The following CTNNA2 variants were observed in gnomAD, a reference collection of about 807,000 sequenced individuals.
CTNNA2 encodes the protein catenin alpha-2.
A neutral mutation model predicts 101.0 loss-of-function variants in CTNNA2; 42 were observed. The ratio of observed to expected loss-of-function variants is 0.42; its 90% CI spans 0.32 to 0.54. The LOEUF is 0.54. Among genes scored for constraint, CTNNA2 ranks in the 20% least tolerant of loss-of-function variants. The probability of loss-of-function intolerance (pLI) is 0.14; values close to 1 mark genes in which losing one functional copy is unlikely to be tolerated. For missense variants in CTNNA2, 871 were observed against 1,223.1 expected, an observed-to-expected ratio of 0.71 and a Z score of 4.29; for synonymous variants, 450 against 456.4, an observed-to-expected ratio of 0.99 and a Z score of 0.18.
intron 7 of CTNNA2, among the ~76,000 whole-genome samples, chr2:80,136,633 G>A (rs1702714108): frequency 6.6e-6 from 1 of 152,086 alleles, no homozygotes; most frequent in Non-Finnish European, 1.5e-5. Context: ...TCTTTTGTAT[G>A]TTATTTCCTG....
At chr2:80,127,731 C>G (rs1452341735) in intron 7 of CTNNA2, among the ~76,000 whole-genome samples, 1 of 152,120 alleles carries the variant, frequency 6.6e-6, no homozygotes, top group Non-Finnish European at 1.5e-5. Flanking sequence ...CTGAGGGAGA[C>G]AGAGTCAAGA....
intron 9 of CTNNA2, among the ~76,000 whole-genome samples, chr2:80,504,321 T>C (rs1449115949): frequency 6.6e-6 from 1 of 152,210 alleles, no homozygotes; most frequent in Non-Finnish European, 1.5e-5. Context: ...AGCGAGTTTT[T>C]TAATTTATTA....
Position 80,215,651 on chromosome 2 carries a change from A to G in CTNNA2, c.1057-177560A>G, listed in dbSNP as rs867271768. Among the ~76,000 whole-genome samples, 5 of 152,260 alleles carry G rather than the reference A, an allele frequency of 3.3e-5. No homozygotes were observed. In the South Asian group the frequency reaches 6.2e-4, roughly 19 times the overall value. On this transcript the variant is annotated intron_variant, in intron 7 of 18. Coordinates refer to ENST00000402739, the MANE Select transcript of CTNNA2 (RefSeq NM_001282597.3). ...TCGTCTCAGAGGGGCACCTGGCTGT[A>G]TGAAGTGTCAGTCGGCCCCTACTGG...
At chr2:80,033,677 A>G (rs1047844741) in intron 7 of CTNNA2, among the ~76,000 whole-genome samples, 3 of 152,230 alleles carry the variant, frequency 2.0e-5, no homozygotes, top group African/African-American at 7.2e-5. Flanking sequence ...CAATGAATGA[A>G]CAAATACCGT....
At chr2:80,283,670 G>A (rs988547930) in intron 7 of CTNNA2, among the ~76,000 whole-genome samples, 12 of 152,094 alleles carry the variant, frequency 7.9e-5, no homozygotes, top group African/African-American at 2.7e-4. Flanking sequence ...ATAACAGGTT[G>A]GATATGCCTC....
chr2:80,313,536 T>C (rs1434944268), intron 7 of CTNNA2: 1 of 1,606,942 alleles, frequency 6.2e-7, no homozygotes, highest in African/African-American at 1.3e-5. Context: ...CAAGACCAGG[T>C]AGAGGAAGGA....
intron 7 of CTNNA2, among the ~76,000 whole-genome samples, chr2:79,992,379 A>G (rs1165865523): frequency 6.6e-6 from 1 of 152,264 alleles, no homozygotes; most frequent in Non-Finnish European, 1.5e-5. Flanking sequence ...AAATGGAGGC[A>G]GTAAAACCCC....
intron 2 of CTNNA2, among the ~76,000 whole-genome samples, chr2:79,699,556 G>A (rs1684854687): frequency 6.6e-6 from 1 of 151,944 alleles, no homozygotes; most frequent in Non-Finnish European, 1.5e-5. Context: ...GAATAAGGAA[G>A]TGGGGTATTC....
At chr2:80,027,278 G>A (rs536127495) in intron 7 of CTNNA2, among the ~76,000 whole-genome samples, 7 of 152,260 alleles carry the variant, frequency 4.6e-5, no homozygotes, top group African/African-American at 1.2e-4. Flanking sequence ...ACAAAGGCCC[G>A]AGCTTGCTGT....
intron 4 of CTNNA2, among the ~76,000 whole-genome samples, chr2:79,390,078 A>G (rs1392411191): frequency 1.3e-5 from 2 of 152,152 alleles, no homozygotes; most frequent in African/African-American, 4.8e-5. Flanking sequence ...ATCTTCATCA[A>G]CTTGGTCATT....
At chr2:79,944,595 G>C (rs10189633) in intron 7 of CTNNA2, among the ~76,000 whole-genome samples, 57,189 of 151,994 alleles carry the variant, frequency 0.38, 10,978 homozygotes, top group East Asian at 0.52. Flanking sequence ...GTGGAGCGGG[G>C]TGGGGGTAGG....
chr2:79,857,930 T>C, intron 3 of CTNNA2, 83 bp from the exon 4 acceptor site: 1 of 1,395,030 alleles, frequency 7.2e-7, no homozygotes, highest in Admixed American at 1.9e-5. Flanking sequence ...ATAAAAACAG[T>C]AATTGTCCAT....
intron 2 of CTNNA2, among the ~76,000 whole-genome samples, chr2:79,685,530 C>T (rs551022959): frequency 6.6e-6 from 1 of 152,286 alleles, no homozygotes; most frequent in South Asian, 2.1e-4. Flanking sequence ...AGGTTAGCTC[C>T]ATTCCTCTGC....
intron 2 of CTNNA2, among the ~76,000 whole-genome samples, chr2:79,254,644 C>T (rs1048635570): frequency 3.3e-5 from 5 of 152,104 alleles, no homozygotes; most frequent in Non-Finnish European, 7.4e-5. Context: ...TCAGGTATTT[C>T]TTTATAGCAA....
intron 7 of CTNNA2, among the ~76,000 whole-genome samples, chr2:80,277,331 G>A (rs1479941847): frequency 3.3e-5 from 5 of 152,102 alleles, no homozygotes; most frequent in African/African-American, 1.2e-4. Context: ...AGGCAGGATT[G>A]ATTAAGTCCT....
chr2:79,950,746 C>T (rs1374070240), intron 7 of CTNNA2, among the ~76,000 whole-genome samples: 1 of 152,154 alleles, frequency 6.6e-6, no homozygotes, highest in African/African-American at 2.4e-5. Flanking sequence ...GATTTTTGAA[C>T]ACAGAGGGGA....
intron 2 of CTNNA2, among the ~76,000 whole-genome samples, chr2:79,686,443 A>G (rs756796063): frequency 6.6e-6 from 1 of 152,168 alleles, no homozygotes; most frequent in Non-Finnish European, 1.5e-5. Context: ...TGGTTTTCAT[A>G]CAAACTACTT....
chr2:79,356,869 T>C (rs943174346), intron 3 of CTNNA2, among the ~76,000 whole-genome samples: 4 of 152,136 alleles, frequency 2.6e-5, no homozygotes, highest in African/African-American at 9.7e-5. Flanking sequence ...AATTGATAGA[T>C]TAGAATTATA....
rs552592494 is a variant in CTNNA2 at position 79,825,575 on chromosome 2, C to T, written c.299-32438C>T. 1.3e-3 allele frequency among the ~76,000 whole-genome samples: 197 copies of T among 151,896 alleles called. 1 individual carries two copies. The highest frequency in any genetic ancestry group is 4.2e-3 in the African/African-American group (174 of 41,408). Reference sequence around the variant, plus strand: ...AAGGTGTGGAACAGGTTTGAGCAGCCGGGGAGAGGAGGGAATGCAGATTTC... The same window carrying T: ...AAGGTGTGGAACAGGTTTGAGCAGCTGGGGAGAGGAGGGAATGCAGATTTC... On this transcript the variant is annotated intron_variant, in intron 3 of 18. Coordinates refer to ENST00000402739, the MANE Select transcript of CTNNA2 (RefSeq NM_001282597.3).
Sources: gnomAD v4.1 joint callset for allele counts (sites outside exome capture counted in the v4.1 genomes callset) on GRCh38, gnomAD v4.1.1 for gene constraint, MANE v1.5 for transcripts, NCBI Gene and HGNC (gene_info 2026-07-23, HGNC 2026-07-21) for gene names.